DLGAP1: variants seen among roughly 807,000 people sequenced by gnomAD.
DLGAP1 encodes DLG associated protein 1.
In DLGAP1, 11 loss-of-function variants were observed where a neutral mutation model predicts 90.8. That is an observed-to-expected ratio of 0.12 (90% CI 0.08 to 0.20). The LOEUF (loss-of-function observed/expected upper bound fraction) is 0.20. DLGAP1 is among the 10% of genes least tolerant of loss of function. The probability of loss-of-function intolerance (pLI) is 1.00; values close to 1 mark genes in which losing one functional copy is unlikely to be tolerated. For missense variants in DLGAP1, 1,050 were observed against 1,333.8 expected, an observed-to-expected ratio of 0.79 and a Z score of 3.31; for synonymous variants, 558 against 540.7, an observed-to-expected ratio of 1.03 and a Z score of -0.44.
chr18:4,278,771 C>T lies in DLGAP1; in HGVS notation c.-266-127484G>A, dbSNP rs1363167915. 8.1e-5 allele frequency among the ~76,000 whole-genome samples: 9 copies of T among 111,622 alleles called. No homozygotes were observed. The East Asian group carries it at 2.1e-3, about 26-fold the overall frequency. 73.2% of individuals were successfully genotyped at this position (111,622 alleles called of 152,430 possible). On this transcript the variant is annotated intron_variant, in intron 1 of 12. Transcript: ENST00000315677. ...ATACACACACACACACATATTTTAT[C>T]TAATCATCTGTTGATGGACACTTAG...
chr18:4,070,962 TAAGGC>T (rs2075438519), intron 2 of DLGAP1, among the ~76,000 whole-genome samples: 1 of 152,182 alleles, frequency 6.6e-6, no homozygotes, highest in Non-Finnish European at 1.5e-5. Flanking sequence ...GGTGCTGTCT[TAAGGC>T]AACCTTTATT....
At chr18:3,749,315 A>AT (rs1028877642) in intron 5 of DLGAP1, among the ~76,000 whole-genome samples, 12 of 151,360 alleles carry the variant, frequency 7.9e-5, no homozygotes, top group South Asian at 2.1e-4. Context: ...CACCCAGCTA[A>AT]TTTTTTTTGT....
chr18:4,131,450 A>G (rs1568413093), intron 2 of DLGAP1, among the ~76,000 whole-genome samples: 1 of 152,224 alleles, frequency 6.6e-6, no homozygotes, highest in Non-Finnish European at 1.5e-5. Flanking sequence ...TCTAAGGGCC[A>G]TACTTCCTCT....
intron 1 of DLGAP1, among the ~76,000 whole-genome samples, chr18:4,380,967 C>T (rs1052292744): frequency 1.3e-5 from 2 of 152,174 alleles, no homozygotes; most frequent in African/African-American, 4.8e-5. Context: ...GAGGCACACC[C>T]TATTTTCACA....
chr18:4,389,516 G>A (rs957479082), intron 1 of DLGAP1, among the ~76,000 whole-genome samples: 2 of 152,148 alleles, frequency 1.3e-5, no homozygotes, highest in East Asian at 1.9e-4. Flanking sequence ...AATGTTCTGT[G>A]TAATTTACTA....
intron 2 of DLGAP1, among the ~76,000 whole-genome samples, chr18:4,030,840 T>C (rs760057699): frequency 1.1e-4 from 16 of 152,162 alleles, no homozygotes; most frequent in Non-Finnish European, 2.1e-4. Flanking sequence ...GAGGATTGCT[T>C]GAGCCCGGGG....
rs1248087963 is a variant in DLGAP1, at chr18:4,285,701, G to A, written c.-266-134414C>T. On this transcript the variant is annotated intron_variant, in intron 1 of 12. Coordinates refer to ENST00000315677, the MANE Select transcript of DLGAP1 (RefSeq NM_004746.4). ...TCGGCAGTGAGGTACAGAAATAGCT[G>A]GATTGGTTACAGGTTGACGTTTGCC... Among the ~76,000 whole-genome samples the A allele has an allele frequency of 4.6e-5, 7 of 152,146 alleles. No homozygotes were observed. The East Asian group carries it at 7.7e-4, about 17-fold the overall frequency.
intron 7 of DLGAP1, among the ~76,000 whole-genome samples, chr18:3,728,545 T>A (rs1449796098): frequency 6.6e-6 from 1 of 151,860 alleles, no homozygotes; most frequent in African/African-American, 2.4e-5. Flanking sequence ...GAAAAGGAGG[T>A]GCTATTTATA....
At chr18:3,919,579 C>A (rs938559117) in intron 3 of DLGAP1, among the ~76,000 whole-genome samples, 3 of 152,146 alleles carry the variant, frequency 2.0e-5, no homozygotes, top group Non-Finnish European at 2.9e-5. Flanking sequence ...AGGTAGAATT[C>A]TTGAGTCATG....
chr18:3,536,162 G>GT (rs1555672095), intron 9 of DLGAP1, among the ~76,000 whole-genome samples: 1 of 150,512 alleles, frequency 6.6e-6, no homozygotes, highest in African/African-American at 2.5e-5. Context: ...ACTGAAGTAA[G>GT]TTTCTTTCTT....
intron 4 of DLGAP1, among the ~76,000 whole-genome samples, chr18:3,873,115 C>A (rs753480452): frequency 2.0e-5 from 3 of 152,206 alleles, no homozygotes; most frequent in Non-Finnish European, 2.9e-5. Context: ...TTTACTACCA[C>A]TGAGTCTTTC....
intron 2 of DLGAP1, among the ~76,000 whole-genome samples, chr18:4,080,726 G>T (rs2075593645): frequency 6.6e-6 from 1 of 152,122 alleles, no homozygotes; most frequent in East Asian, 1.9e-4. Context: ...CCCATAACCT[G>T]TCTTGCCGCG....
chr18:4,108,173 C>T lies in DLGAP1; in HGVS notation c.-159+43007G>A, dbSNP rs140770606. Among the ~76,000 whole-genome samples, 222 of 152,274 alleles carry T rather than the reference C, an allele frequency of 1.5e-3. 2 individuals carry two copies. The highest frequency in any genetic ancestry group is 5.2e-3 in the African/African-American group (215 of 41,542). On this transcript the variant is annotated intron_variant, in intron 2 of 12. Coordinates refer to ENST00000315677, the MANE Select transcript of DLGAP1 (RefSeq NM_004746.4). Reference sequence around the variant, plus strand: ...TAGGTCATAAAACACAGGAAGACCACTCTCTGACCATCTACCTCTCTCCTC... The same window carrying T: ...TAGGTCATAAAACACAGGAAGACCATTCTCTGACCATCTACCTCTCTCCTC...
At chr18:3,763,808 T>G (rs975294759) in intron 5 of DLGAP1, among the ~76,000 whole-genome samples, 1 of 152,032 alleles carries the variant, frequency 6.6e-6, no homozygotes, top group Non-Finnish European at 1.5e-5. Context: ...ATTACAGGCA[T>G]GCACCACCAT....
At chr18:4,452,944 A>G (rs1299305533) in intron 1 of DLGAP1, among the ~76,000 whole-genome samples, 1 of 152,170 alleles carries the variant, frequency 6.6e-6, no homozygotes, top group Non-Finnish European at 1.5e-5. Flanking sequence ...TGTTTGAGAT[A>G]AAGTATTGTA....
At chr18:3,828,582 G>A (rs1214806413) in intron 4 of DLGAP1, among the ~76,000 whole-genome samples, 2 of 140,354 alleles carry the variant, frequency 1.4e-5, no homozygotes, top group Non-Finnish European at 3.0e-5. Context: ...GAAGGCTCCA[G>A]TGAGTTGTGA....
intron 1 of DLGAP1, among the ~76,000 whole-genome samples, chr18:4,339,642 C>T (rs1162023616): frequency 2.0e-5 from 3 of 152,034 alleles, no homozygotes; most frequent in African/African-American, 7.2e-5. Context: ...ATCAGAACCC[C>T]TAAAATTATA....
At chr18:4,106,123 A>G (rs1181597995) in intron 2 of DLGAP1, among the ~76,000 whole-genome samples, 2 of 151,792 alleles carry the variant, frequency 1.3e-5, no homozygotes, top group Non-Finnish European at 1.5e-5. Flanking sequence ...TTGTTTTAAG[A>G]AGTAGCAGTT....
At chr18:3,721,394 T>G (rs2061977147) in intron 7 of DLGAP1, 1 of 152,196 alleles carries the variant, frequency 6.6e-6, no homozygotes. Context: ...ATCAGGGGAT[T>G]GGATATTTGA....
Sources: gnomAD v4.1 joint callset for allele counts (sites outside exome capture counted in the v4.1 genomes callset) on GRCh38, gnomAD v4.1.1 for gene constraint, MANE v1.5 for transcripts, NCBI Gene and HGNC (gene_info 2026-07-23, HGNC 2026-07-21) for gene names.